Variants in KIF6 observed in about 807,000 individuals in gnomAD.
KIF6 encodes the protein kinesin family member 6.
A neutral mutation model predicts 112.7 loss-of-function variants in KIF6; 106 were observed. That is an observed-to-expected ratio of 0.94 (90% confidence interval 0.80 to 1.11). KIF6 has a LOEUF of 1.11. KIF6 is among the 50% of genes least tolerant of loss of function. The probability of loss-of-function intolerance (pLI) is 0.00; values close to 1 mark genes in which losing one functional copy is unlikely to be tolerated. For synonymous variants in KIF6, 339 were observed against 339.9 expected (o/e 1.00, Z 0.03); for missense variants, 929 against 964.0 (o/e 0.96, Z 0.48).
At chr6:39,345,378 C>T (rs908066388) in intron 21 of KIF6, among the ~76,000 whole-genome samples, 1 of 152,236 alleles carries the variant, frequency 6.6e-6, no homozygotes, top group African/African-American at 2.4e-5. Context: ...GGCTTGTCAG[C>T]TCCCTGCTCT....
chr6:39,695,453 A>G (rs1049230384), intron 3 of KIF6, among the ~76,000 whole-genome samples: 1 of 152,222 alleles, frequency 6.6e-6, no homozygotes, highest in African/African-American at 2.4e-5. Context: ...ACTTAAAGAA[A>G]TCAATAAGAA....
intron 13 of KIF6, among the ~76,000 whole-genome samples, chr6:39,458,505 T>C (rs1276192099): frequency 6.6e-6 from 1 of 150,666 alleles, no homozygotes; most frequent in African/African-American, 2.5e-5. Flanking sequence ...CAACATAGTG[T>C]TGGAAGTTCT....
At chr6:39,628,630 T>C (rs1034120466) in intron 5 of KIF6, among the ~76,000 whole-genome samples, 1 of 152,170 alleles carries the variant, frequency 6.6e-6, no homozygotes, top group African/African-American at 2.4e-5. Flanking sequence ...TGGAGATTCA[T>C]CCAAGTTGTT....
At chr6:39,621,580 C>G (rs564578144) in intron 5 of KIF6, among the ~76,000 whole-genome samples, 1 of 152,166 alleles carries the variant, frequency 6.6e-6, no homozygotes, top group Admixed American at 6.5e-5. Context: ...TCGCTGTGCC[C>G]CAGGCCTAAA....
At chr6:39,498,089 A>G (rs2150486994) in intron 13 of KIF6, among the ~76,000 whole-genome samples, 1 of 152,298 alleles carries the variant, frequency 6.6e-6, no homozygotes, top group South Asian at 2.1e-4. Flanking sequence ...AATTGTCTGC[A>G]TGCAGCTTGG....
intron 19 of KIF6, among the ~76,000 whole-genome samples, chr6:39,355,455 A>AAG (rs10657249): frequency 0.89 from 125,766 of 142,086 alleles, 56,032 homozygotes; most frequent in African/African-American, 0.97. Flanking sequence ...TAATTTTAAG[A>AAG]AGTCTTTTTT....
At chr6:39,606,858 T>C (rs551755926) in intron 6 of KIF6, among the ~76,000 whole-genome samples, 6 of 152,298 alleles carry the variant, frequency 3.9e-5, no homozygotes, top group Admixed American at 6.5e-5. Context: ...CAAAAGATCA[T>C]TGGATTTGCA....
chr6:39,433,352 T>A lies in KIF6; in HGVS notation c.1646-2191A>T, dbSNP rs550579453. ...GCGCAGGCAGTTTGGGATCGTTGTG[T>A]ACGGTCTTGAAGGTCCTACTAAGAA... On this transcript the variant is annotated intron_variant, in intron 13 of 22. Transcript: ENST00000287152. Among the ~76,000 whole-genome samples the A allele has an allele frequency of 4.6e-5, 7 of 152,344 alleles. No individual in the cohort carries two copies. The South Asian group carries it at 1.2e-3, about 27-fold the overall frequency.
chr6:39,411,628 T>C lies in KIF6; in HGVS notation c.1810+8320A>G, dbSNP rs139108115. Reference sequence around the variant, plus strand: ...GAGGCTGGTCAGCCTGGAGAACAGATGAGTCAGGTTGGCAATGGTGAGTGA... The same window carrying C: ...GAGGCTGGTCAGCCTGGAGAACAGACGAGTCAGGTTGGCAATGGTGAGTGA... On this transcript the variant is annotated intron_variant, in intron 15 of 22. Transcript: ENST00000287152. 3.0e-4 allele frequency among the ~76,000 whole-genome samples: 46 copies of C among 152,204 alleles called. No individual in the cohort carries two copies. The East Asian group carries it at 8.7e-3, about 29-fold the overall frequency.
At chr6:39,433,032 AG>A (rs1771272392) in intron 13 of KIF6, among the ~76,000 whole-genome samples, 1 of 152,140 alleles carries the variant, frequency 6.6e-6, no homozygotes, top group African/African-American at 2.4e-5. Context: ...GCAGGGAAGA[AG>A]GGTTCACAGC....
At chr6:39,492,567 C>T (rs1775535985) in intron 13 of KIF6, among the ~76,000 whole-genome samples, 1 of 152,180 alleles carries the variant, frequency 6.6e-6, no homozygotes, top group Non-Finnish European at 1.5e-5. Flanking sequence ...AGAAGTGGAG[C>T]TGAGTTCCAG....
At chr6:39,668,903 T>G (rs1333266558) in intron 3 of KIF6, among the ~76,000 whole-genome samples, 2 of 152,080 alleles carry the variant, frequency 1.3e-5, no homozygotes, top group Non-Finnish European at 2.9e-5. Context: ...GGAAAAAAAT[T>G]TTAAATTATA....
intron 16 of KIF6, among the ~76,000 whole-genome samples, chr6:39,370,269 A>G (rs918896785): frequency 6.6e-6 from 1 of 152,160 alleles, no homozygotes; most frequent in Non-Finnish European, 1.5e-5. Flanking sequence ...CAGGATGCAT[A>G]TGATCTTTTG....
intron 5 of KIF6, among the ~76,000 whole-genome samples, chr6:39,615,314 A>T (rs1322900663): frequency 6.6e-6 from 1 of 152,224 alleles, no homozygotes; most frequent in Non-Finnish European, 1.5e-5. Flanking sequence ...ACCAAGACAG[A>T]TACAATACTA....
At chr6:39,602,045 A>G (rs981127302) in intron 6 of KIF6, among the ~76,000 whole-genome samples, 2 of 152,136 alleles carry the variant, frequency 1.3e-5, no homozygotes, top group Admixed American at 6.6e-5. Flanking sequence ...GAGATAAAAA[A>G]AGAATTGATT....
At chr6:39,511,227 A>G (rs1257959805) in intron 13 of KIF6, among the ~76,000 whole-genome samples, 2 of 152,150 alleles carry the variant, frequency 1.3e-5, no homozygotes, top group African/African-American at 4.8e-5. Flanking sequence ...AGAATCTACA[A>G]AGATCTTAAA....
intron 15 of KIF6, among the ~76,000 whole-genome samples, chr6:39,395,704 G>A (rs1313755811): frequency 6.6e-6 from 1 of 152,058 alleles, no homozygotes; most frequent in Non-Finnish European, 1.5e-5. Flanking sequence ...GTACCTGGGG[G>A]CATTCAAATC....
intron 10 of KIF6, among the ~76,000 whole-genome samples, chr6:39,561,825 C>A (rs1780024167): frequency 6.6e-6 from 1 of 152,182 alleles, no homozygotes; most frequent in South Asian, 2.1e-4. Context: ...CAGACAGGAA[C>A]CTGTGTTTAC....
At chr6:39,425,832 TGAAA>T (rs1355525626) in intron 14 of KIF6, among the ~76,000 whole-genome samples, 1 of 145,820 alleles carries the variant, frequency 6.9e-6, no homozygotes, top group East Asian at 2.0e-4. Context: ...AGGGTTAAAA[TGAAA>T]GTCTAATGGG....
Sources: gnomAD v4.1 joint callset for allele counts (sites outside exome capture counted in the v4.1 genomes callset) on GRCh38, gnomAD v4.1.1 for gene constraint, MANE v1.5 for transcripts, NCBI Gene and HGNC (gene_info 2026-07-23, HGNC 2026-07-21) for gene names.